CEP192: variants seen among roughly 807,000 people sequenced by gnomAD.
CEP192 encodes centrosomal protein of 192 kDa.
A neutral mutation model predicts 271.8 loss-of-function variants in CEP192; 151 were observed. The observed-to-expected ratio is 0.56, with a 90% CI of 0.49 to 0.64. CEP192 has a LOEUF of 0.64. Among genes scored for constraint, CEP192 ranks in the 30% least tolerant of loss-of-function variants. CEP192 has a pLI of 0.00. For missense variants in CEP192, 2,910 were observed against 3,020.5 expected, an observed-to-expected ratio of 0.96 and a Z score of 0.86; for synonymous variants, 995 against 1,076.5, an observed-to-expected ratio of 0.92 and a Z score of 1.48.
intron 11 of CEP192, among the ~76,000 whole-genome samples, chr18:13,034,351 TGG>T (rs1216095534): frequency 6.6e-6 from 1 of 151,854 alleles, no homozygotes; most frequent in Non-Finnish European, 1.5e-5. Context: ...ATTAATGAAA[TGG>T]GAGCCTTTTT....
Position 13,069,272 on chromosome 18 carries a change from C to T in CEP192, c.5055+91C>T. 3 of 1,052,884 alleles carry T rather than the reference C, an allele frequency of 2.8e-6. No individual in the cohort carries two copies. In the Admixed American group the frequency reaches 5.3e-5, roughly 18 times the overall value. 65.2% of individuals were successfully genotyped at this position (1,052,884 alleles called of 1,614,324 possible). ...TGCAGGCTGTTGTGCTCTTCCTGGCCCAACAGAGTGCCCTGAACCTCAGAT... is the reference window on the plus strand; with the variant it reads ...TGCAGGCTGTTGTGCTCTTCCTGGCTCAACAGAGTGCCCTGAACCTCAGAT... On this transcript the variant is annotated intron_variant, in intron 26 of 44. Transcript: ENST00000506447.
At chr18:13,029,053 G>A (rs532487427) in intron 9 of CEP192, among the ~76,000 whole-genome samples, 7 of 152,308 alleles carry the variant, frequency 4.6e-5, no homozygotes, top group African/African-American at 1.7e-4. Flanking sequence ...TACCATGGTG[G>A]CAGCCAAATG....
At position 13,049,820 on chromosome 18, in the gene CEP192, G is replaced by A. The variant is rs761847401; in HGVS notation, c.2946G>A (p.Glu982=). ...HGGRGSEDEQ[E]SFRPSTSPLS... ...GACGTGGCTCAGAGGATGAGCAGGA[G>A]AGCTTCAGACCTTCCACGTCACCAC... The change falls in exon 17 of 45, where the codon GAG becomes GAA. Residue 982 remains glutamate, a synonymous_variant. Coordinates refer to ENST00000506447, the MANE Select transcript of CEP192 (RefSeq NM_032142.4). 22 of 1,613,946 alleles carry A rather than the reference G, an allele frequency of 1.4e-5. No homozygotes were observed. The highest frequency in any genetic ancestry group is 1.8e-5 in the Non-Finnish European group (21 of 1,179,900).
At chr18:13,121,292 C>G (rs1411484655) in intron 44 of CEP192, among the ~76,000 whole-genome samples, 1 of 152,134 alleles carries the variant, frequency 6.6e-6, no homozygotes, top group African/African-American at 2.4e-5. Context: ...ATTTCCAAAG[C>G]AATAATAGGA....
At chr18:13,027,194 A>G (rs1393795324) in intron 9 of CEP192, among the ~76,000 whole-genome samples, 1 of 152,142 alleles carries the variant, frequency 6.6e-6, no homozygotes, top group Non-Finnish European at 1.5e-5. Context: ...TCCCCAGGCT[A>G]CTTAGGCTCA....
intron 11 of CEP192, among the ~76,000 whole-genome samples, chr18:13,035,024 C>T (rs2035844782): frequency 6.6e-6 from 1 of 151,982 alleles, no homozygotes. Flanking sequence ...TTTAGGTATG[C>T]CAAAGAATTG....
rs1477401414 is a variant in CEP192, at chr18:13,087,023, T to C, written c.5623T>C (p.Leu1875=). Residue 1875 remains leucine (L), a synonymous_variant, in exon 31 of 45, where the codon TTG becomes CTG. Coordinates refer to ENST00000506447, the MANE Select transcript of CEP192 (RefSeq NM_032142.4). ...ATATGTATATCTTTTTTAGATACCT[T>C]TGTCTGGATATGGAGGAACAAGCAA... is the stretch of plus-strand genomic sequence containing the variant. The part of the protein sequence containing the change: ...SQPGIKFTIP[L]SGYGGTSNLI... 1 of 1,605,294 alleles carries C rather than the reference T, an allele frequency of 6.2e-7. No homozygotes were observed. Among genetic ancestry groups the C allele is most frequent in the Admixed American group, 1.7e-5 (1 of 59,616 alleles).
chr18:13,108,525 A>G (rs1324698256), intron 40 of CEP192, among the ~76,000 whole-genome samples: 1 of 152,254 alleles, frequency 6.6e-6, no homozygotes, highest in Non-Finnish European at 1.5e-5. Context: ...AGAAGAAGAC[A>G]TACAAGCAGC....
intron 5 of CEP192, among the ~76,000 whole-genome samples, chr18:13,013,990 G>A (rs1460571832): frequency 2.0e-5 from 3 of 152,182 alleles, no homozygotes; most frequent in African/African-American, 2.4e-5. Flanking sequence ...ATTGGAATAC[G>A]GTTGTGCCCA....
intron 39 of CEP192, chr18:13,104,112 CAT>C (rs1258571853): frequency 3.2e-6 from 1 of 311,690 alleles, no homozygotes; most frequent in East Asian, 9.2e-5. Flanking sequence ...TGTGGAAATA[CAT>C]GTTTGCTCCA....
intron 30 of CEP192, 35 bp from the exon 31 acceptor site, chr18:13,086,982 A>G (rs755867108): frequency 1.4e-6 from 2 of 1,481,308 alleles, no homozygotes; most frequent in Non-Finnish European, 1.9e-6. Context: ...TCTGCTTAAC[A>G]TTAAAATAAT....
Position 13,116,367 on chromosome 18 carries a change from C to A in CEP192, c.7290-10C>A, listed in dbSNP as rs747591278. On this transcript the variant is annotated splice_polypyrimidine_tract_variant and intron_variant, in intron 42 of 44. Coordinates refer to ENST00000506447, the MANE Select transcript of CEP192 (RefSeq NM_032142.4). ...CAGATTCTTAACTTTTACACCTATT[C>A]CCAAAGCAGGCAGCTTGATGTGACT... The A allele has an allele frequency of 6.2e-7, 1 of 1,610,692 alleles. No individual in the cohort carries two copies. The highest frequency in any genetic ancestry group is 1.1e-5 in the South Asian group (1 of 89,830).
chr18:13,061,000 A>G (rs142643003), intron 21 of CEP192, among the ~76,000 whole-genome samples: 5 of 152,120 alleles, frequency 3.3e-5, no homozygotes, highest in African/African-American at 1.2e-4. Context: ...CACACTTAAC[A>G]GATGTTACTG....
rs573537283 is a variant in CEP192, at chr18:13,116,593, T to A, written c.7416+90T>A. The A allele has an allele frequency of 1.2e-5, 15 of 1,286,678 alleles. No homozygotes were observed. In the African/African-American group the frequency reaches 2.0e-4, roughly 17 times the overall value. The allele number at this position is 1,286,678 out of a possible 1,614,324, so 79.7% of individuals were successfully genotyped here. On this transcript the variant is annotated intron_variant, in intron 43 of 44. Coordinates refer to ENST00000506447, the MANE Select transcript of CEP192 (RefSeq NM_032142.4). ...TTTCCTGATGATTCTGTAGACTATA[T>A]TTAAGTTGTAAGAATGAGGTAATTT... is the stretch of plus-strand genomic sequence containing the variant.
intron 28 of CEP192, among the ~76,000 whole-genome samples, chr18:13,071,465 T>G (rs1367852274): frequency 1.3e-5 from 2 of 152,212 alleles, no homozygotes; most frequent in East Asian, 3.8e-4. Context: ...TTAAATTCAC[T>G]GCCACTCTGT....
rs2039299069 is a variant in CEP192 at position 13,094,570 on chromosome 18, A to G, written c.6255-933A>G. Among the ~76,000 whole-genome samples the G allele has an allele frequency of 2.0e-5, 3 of 152,148 alleles. No individual in the cohort carries two copies. In the South Asian group the frequency reaches 6.2e-4, roughly 32 times the overall value. ...TTGGCACAGCAGGATGTTTAGGCTC[A>G]TCGTATACTTTCCCTGCCCCACCCT... On this transcript the variant is annotated intron_variant, in intron 34 of 44. Coordinates refer to ENST00000506447, the MANE Select transcript of CEP192 (RefSeq NM_032142.4).
rs2038954292 is a variant in CEP192, at chr18:13,087,558, G to A, written c.5905G>A (p.Asp1969Asn). 6.5e-7 allele frequency: 1 copy of A among 1,548,260 alleles called. No individual in the cohort carries two copies. The highest frequency in any genetic ancestry group is 8.8e-7 in the Non-Finnish European group (1 of 1,135,194). ...TGTTACTTTAATATATAATCCATCA[G>A]ACAGAGGAATCAATAATAAAACTGC... The part of the protein sequence containing the change: ...ENVTLIYNPS[D>N]RGINNKTATE... Residue 1969 changes from aspartate to asparagine, a missense_variant, in exon 32 of 45, where the codon GAC becomes AAC. Physicochemically the swap from Asp to Asn is conservative, Grantham distance 23. Coordinates refer to ENST00000506447, the MANE Select transcript of CEP192 (RefSeq NM_032142.4).
In CEP192 at chr18:13,095,510, G is replaced by A. The variant is rs1568409279; in HGVS notation, c.6262G>A (p.Gly2088Arg). ...TTTTAAATAATTTTTTAGCGACTTG[G>A]GAGCTTCTGGGAAACATGGTGGCAA... is the stretch of plus-strand genomic sequence containing the variant. ...KASLESTSDL[G>R]ASGKHGGNVS... The change falls in exon 35 of 45, where the codon GGA (glycine) becomes AGA (arginine). Residue 2088 changes from glycine to arginine, a missense_variant. Gly to Arg is a moderately radical substitution (Grantham distance 125). Coordinates refer to ENST00000506447, the MANE Select transcript of CEP192 (RefSeq NM_032142.4). 2 of 1,604,174 alleles carry A rather than the reference G, an allele frequency of 1.2e-6. No homozygotes were observed. The highest frequency in any genetic ancestry group is 1.7e-6 in the Non-Finnish European group (2 of 1,176,568).
rs1465036462 is a variant in CEP192 at position 13,069,199 on chromosome 18, A to G, written c.5055+18A>G. The G allele has an allele frequency of 6.3e-7, 1 of 1,591,342 alleles. No homozygotes were observed. On this transcript the variant is annotated intron_variant, in intron 26 of 44. Coordinates refer to ENST00000506447, the MANE Select transcript of CEP192 (RefSeq NM_032142.4). ...ATATCAAGGTATGCACTTCCATGAG[A>G]GTGCCATAAGATAGTCTTTCCTCAG...
Sources: gnomAD v4.1 joint callset for allele counts (sites outside exome capture counted in the v4.1 genomes callset) on GRCh38, gnomAD v4.1.1 for gene constraint, MANE v1.5 for transcripts, NCBI Gene and HGNC (gene_info 2026-07-23, HGNC 2026-07-21) for gene names.